STAT3: variants seen among roughly 807,000 people sequenced by gnomAD.
STAT3 encodes DNA-binding protein APRF.
In STAT3, 7 loss-of-function variants were observed where a neutral mutation model predicts 114.3. The ratio of observed to expected loss-of-function variants is 0.06; its 90% confidence interval spans 0.03 to 0.11. The LOEUF (loss-of-function observed/expected upper bound fraction) is 0.11. STAT3 is among the 10% of genes least tolerant of loss of function. The pLI, the probability that STAT3 is intolerant of heterozygous loss-of-function variation, is 1.00. For synonymous variants in STAT3, 331 were observed against 354.5 expected, an observed-to-expected ratio of 0.93 and a Z score of 0.74; for missense variants, 364 against 960.9, an observed-to-expected ratio of 0.38 and a Z score of 8.21.
chr17:42,328,285 A>T (rs1183011015), intron 14 of STAT3, among the ~76,000 whole-genome samples: 2 of 152,214 alleles, frequency 1.3e-5, no homozygotes, highest in East Asian at 1.9e-4. Context: ...AATACTATTC[A>T]AATTATTTTA....
At chr17:42,373,493 A>G (rs540531735) in intron 1 of STAT3, among the ~76,000 whole-genome samples, 1 of 152,254 alleles carries the variant, frequency 6.6e-6, no homozygotes, top group Admixed American at 6.5e-5. Flanking sequence ...TGGAGTTTGC[A>G]GTGAGCCAAG....
intron 1 of STAT3, among the ~76,000 whole-genome samples, chr17:42,380,032 A>T (rs1274967271): frequency 6.6e-6 from 1 of 151,952 alleles, no homozygotes; most frequent in Non-Finnish European, 1.5e-5. Flanking sequence ...TTGATATGAC[A>T]GTTTTTTGTT....
intron 22 of STAT3, 21 bp downstream of exon 22, chr17:42,317,161 C>T (rs756457200): frequency 3.5e-5 from 56 of 1,613,806 alleles, no homozygotes; most frequent in Middle Eastern, 1.6e-4. Context: ...GAAGGCAAAA[C>T]GGGGAAAGGA....
chr17:42,384,127 TATTTA>T (rs1202528794), intron 1 of STAT3, among the ~76,000 whole-genome samples: 8 of 76,314 alleles, frequency 1.0e-4, no homozygotes, highest in Non-Finnish European at 1.2e-4. Flanking sequence ...TTTATTTATT[TATTTA>T]TTTTTTTTTT....
At position 42,321,207 on chromosome 17, in the gene STAT3, C is replaced by T. The variant is rs1329892528; in HGVS notation, c.2101+1075G>A. Among the ~76,000 whole-genome samples, 3 of 149,152 alleles carry T rather than the reference C, an allele frequency of 2.0e-5. No individual in the cohort carries two copies. The East Asian group carries it at 5.9e-4, about 29-fold the overall frequency. The stretch of plus-strand genomic sequence containing the variant: ...CGATCATGGCTCACTGCAGCCTCAA[C>T]CTCCTGGGCTTAAGCAATCCTCCCA... On this transcript the variant is annotated intron_variant, in intron 21 of 23. Transcript: ENST00000264657.
At chr17:42,375,290 C>A (rs1431746787) in intron 1 of STAT3, among the ~76,000 whole-genome samples, 1 of 152,162 alleles carries the variant, frequency 6.6e-6, no homozygotes, top group Non-Finnish European at 1.5e-5. Flanking sequence ...ACTTTATATT[C>A]TATGGGCCTT....
chr17:42,366,439 G>C (rs1159455012), intron 1 of STAT3, among the ~76,000 whole-genome samples: 1 of 152,192 alleles, frequency 6.6e-6, no homozygotes, highest in Non-Finnish European at 1.5e-5. Context: ...AGGAGGCTGA[G>C]GCGGGTGGAT....
intron 1 of STAT3, among the ~76,000 whole-genome samples, chr17:42,382,476 G>A (rs1316002532): frequency 6.6e-6 from 1 of 152,116 alleles, no homozygotes; most frequent in Non-Finnish European, 1.5e-5. Context: ...TCACTGCCCT[G>A]TCGTCTCCCC....
intron 20 of STAT3, among the ~76,000 whole-genome samples, chr17:42,322,734 T>C (rs547839515): frequency 1.3e-5 from 2 of 152,366 alleles, no homozygotes; most frequent in Non-Finnish European, 2.9e-5. Flanking sequence ...GCGTAAGATA[T>C]ATTAACAGGG....
rs2084960030 is a variant in STAT3 at position 42,384,140 on chromosome 17, T to TTA, written c.-24+4138_-24+4139insTA. Reference sequence around the variant, plus strand: ...TATTTATTTATTTATTTATTTTTTTTTTTTTTGAGACGGAGTCTCGCTCTG... The same window carrying TTA: ...TATTTATTTATTTATTTATTTTTTTTTATTTTTTGAGACGGAGTCTCGCTCTG... On this transcript the variant is annotated intron_variant, in intron 1 of 23. Transcript: ENST00000264657. Among the ~76,000 whole-genome samples, 4 of 149,916 alleles carry TTA rather than the reference T, an allele frequency of 2.7e-5. No homozygotes were observed. In the East Asian group the frequency reaches 5.8e-4, roughly 22 times the overall value.
chr17:42,351,199 A>C (rs1252482715), intron 1 of STAT3, among the ~76,000 whole-genome samples: 2 of 152,046 alleles, frequency 1.3e-5, no homozygotes, highest in Non-Finnish European at 2.9e-5. Flanking sequence ...ATTTCATTTA[A>C]TATATCCAAA....
At chr17:42,326,020 A>T in intron 15 of STAT3, 96 bp downstream of exon 15, 1 of 1,134,206 alleles carries the variant, frequency 8.8e-7, no homozygotes, top group South Asian at 1.2e-5. Context: ...AGCAAACAGT[A>T]ATCATTCCAC....
At chr17:42,354,346 T>G (rs999674082) in intron 1 of STAT3, among the ~76,000 whole-genome samples, 2 of 150,736 alleles carry the variant, frequency 1.3e-5, no homozygotes, top group Admixed American at 1.3e-4. Context: ...ATTTTTGTAT[T>G]TTTAGTAGAG....
At chr17:42,352,121 A>T (rs1208795333) in intron 1 of STAT3, among the ~76,000 whole-genome samples, 3 of 152,014 alleles carry the variant, frequency 2.0e-5, no homozygotes, top group Non-Finnish European at 4.4e-5. Flanking sequence ...CGGGTGGATC[A>T]CGAGGTCAGG....
intron 1 of STAT3, among the ~76,000 whole-genome samples, chr17:42,381,714 A>G (rs1206319634): frequency 6.7e-6 from 1 of 150,132 alleles, no homozygotes; most frequent in Non-Finnish European, 1.5e-5. Context: ...CCTGGGCGAC[A>G]GAGCGAGACT....
In STAT3 at chr17:42,366,030, AAAC is replaced by A. The variant is rs560175207; in HGVS notation, c.-23-17494_-23-17492del. ...AATTATTCAGCCCCACTTTCTTTCA[AAAC>A]AACGTTTATACACTGACAATTCTCA... On this transcript the variant is annotated intron_variant, in intron 1 of 23. Coordinates refer to ENST00000264657, the MANE Select transcript of STAT3 (RefSeq NM_139276.3). 5.3e-5 allele frequency among the ~76,000 whole-genome samples: 8 copies of A among 152,196 alleles called. No individual in the cohort carries two copies. The South Asian group carries it at 1.2e-3, about 24-fold the overall frequency.
In STAT3 at chr17:42,333,793, G is replaced by A. The variant is rs766620963; in HGVS notation, c.957-28C>T. 21 of 1,613,982 alleles carry A rather than the reference G, an allele frequency of 1.3e-5. No homozygotes were observed. Among genetic ancestry groups the A allele is most frequent in the East Asian group, 2.2e-5 (1 of 44,902 alleles). On this transcript the variant is annotated intron_variant, in intron 9 of 23. Transcript: ENST00000264657. The surrounding 1 kb of genome is among the most constrained non-coding windows in gnomAD (Gnocchi z 5.2). ...GAGGAAAGAGAAGATGGGCTCACGC[G>A]CCACGGCCATGACCAGAAGTCAGCC...
chr17:42,331,896 C>G (rs1417798027), intron 10 of STAT3, among the ~76,000 whole-genome samples: 2 of 151,804 alleles, frequency 1.3e-5, no homozygotes, highest in African/African-American at 2.4e-5. Flanking sequence ...CCACTGCACT[C>G]TAGCCTAGAT....
chr17:42,330,063 G>C (rs2081929404), intron 11 of STAT3, among the ~76,000 whole-genome samples: 1 of 151,774 alleles, frequency 6.6e-6, no homozygotes, highest in Admixed American at 6.6e-5. Flanking sequence ...GCATCCTCAT[G>C]AAATTTCCAC....
Sources: gnomAD v4.1 joint callset for allele counts (sites outside exome capture counted in the v4.1 genomes callset) on GRCh38, gnomAD v4.1.1 for gene constraint, Gnocchi (gnomAD v3.1) non-coding constraint, MANE v1.5 for transcripts, NCBI Gene and HGNC (gene_info 2026-07-23, HGNC 2026-07-21) for gene names.